ZNF835: variants seen among roughly 807,000 people sequenced by gnomAD.
The protein encoded by ZNF835 is zinc finger protein 835.
For synonymous variants in ZNF835, 323 were observed against 324.7 expected (o/e 0.99, Z 0.06); for missense variants, 783 against 758.4 (o/e 1.03, Z -0.38).
At chr19:56,667,459 T>C (rs1018827872) in intron 1 of ZNF835, among the ~76,000 whole-genome samples, 1 of 152,200 alleles carries the variant, frequency 6.6e-6, no homozygotes, top group African/African-American at 2.4e-5. Flanking sequence ...AGGCTCTGCC[T>C]GGTTTTCTCT....
chr19:56,666,133 G>T (rs1600631950), intron 1 of ZNF835, among the ~76,000 whole-genome samples: 2 of 148,948 alleles, frequency 1.3e-5, no homozygotes, highest in South Asian at 2.1e-4. Context: ...TTTTTTTTTT[G>T]ACATGGAGTC....
rs947468409 is a variant in ZNF835, at chr19:56,662,730, G to A, written c.*855C>T. On this transcript the variant is annotated 3_prime_UTR_variant, in exon 2 of 2. Coordinates refer to ENST00000537055, the MANE Select transcript of ZNF835 (RefSeq NM_001005850.3). ...GGGCTTACTCAATAAAATCAACAAT[G>A]AAAAGGCCAGCTGGCCAGGCACCGT... 40 of 152,164 alleles carry A rather than the reference G, an allele frequency of 2.6e-4. No homozygotes were observed. Among genetic ancestry groups the A allele is most frequent in the African/African-American group, 9.2e-4 (38 of 41,446 alleles). The allele number at this position is 152,164 out of a possible 1,614,324, so 9.4% of individuals were successfully genotyped here.
At chr19:56,671,277 T>G (rs975424655) in intron 1 of ZNF835, among the ~76,000 whole-genome samples, 4 of 149,968 alleles carry the variant, frequency 2.7e-5, no homozygotes, top group Admixed American at 6.6e-5. Flanking sequence ...TCACAGCCAG[T>G]CACACACCTG....
intron 1 of ZNF835, among the ~76,000 whole-genome samples, chr19:56,670,567 T>G (rs950288434): frequency 6.6e-6 from 1 of 152,094 alleles, no homozygotes; most frequent in Non-Finnish European, 1.5e-5. Flanking sequence ...GCTCCCTGTG[T>G]GAAGAGGTGC....
intron 1 of ZNF835, 117 bp from the exon 2 acceptor site, chr19:56,665,362 A>G (rs892339692): frequency 5.2e-6 from 5 of 963,598 alleles, no homozygotes; most frequent in African/African-American, 3.2e-5. Flanking sequence ...CTCTGTGCCA[A>G]TGACATTTTG....
chr19:56,666,117 G>GTTGT (rs201835000), intron 1 of ZNF835, among the ~76,000 whole-genome samples: 19 of 150,270 alleles, frequency 1.3e-4, no homozygotes, highest in African/African-American at 4.8e-4. Context: ...CAATGGGACT[G>GTTGT]TTTTATTTTT....
At chr19:56,666,122 A>T (rs56077676) in intron 1 of ZNF835, among the ~76,000 whole-genome samples, 8,125 of 149,654 alleles carry the variant, frequency 0.054, 685 homozygotes, top group African/African-American at 0.19. Context: ...GGACTGTTTT[A>T]TTTTTTTTTT....
rs1032798737 is a variant in ZNF835 at position 56,671,742 on chromosome 19, G to A, written c.-214C>T. 1 of 152,308 alleles carries A rather than the reference G, an allele frequency of 6.6e-6. No homozygotes were observed. Among genetic ancestry groups the A allele is most frequent in the Non-Finnish European group, 1.5e-5 (1 of 68,090 alleles). The allele number at this position is 152,308 out of a possible 1,614,324, so 9.4% of individuals were successfully genotyped here. A position where few individuals can be genotyped will look rare whatever the true frequency, so the allele number is the denominator to read the frequency against. On this transcript the variant is annotated 5_prime_UTR_variant, in exon 1 of 2. Coordinates refer to ENST00000537055, the MANE Select transcript of ZNF835 (RefSeq NM_001005850.3). ...AGGTCAAGACTTCTGCTGCTGCGGA[G>A]GAGCCCGCGCACCAGGCCGGGGTGG...
intron 1 of ZNF835, among the ~76,000 whole-genome samples, 166 bp downstream of exon 1, chr19:56,671,410 G>A (rs2045291896): frequency 6.6e-6 from 1 of 151,824 alleles, no homozygotes; most frequent in Non-Finnish European, 1.5e-5. Context: ...TGCTGGTACC[G>A]TCGAGTGACC....
chr19:56,663,809 G>C lies in ZNF835; in HGVS notation c.1390C>G (p.His464Asp). The change falls in exon 2 of 2, where the codon CAC becomes GAC. Residue 464 changes from histidine to aspartate, a missense_variant. Coordinates refer to ENST00000537055, the MANE Select transcript of ZNF835 (RefSeq NM_001005850.3). ...AFSNRSYLIQ[H>D]HIVHTGEKPY... Reference sequence around the variant, plus strand: ...TTCTCCCCGGTGTGCACGATGTGGTGCTGGATCAGGTAGGAGCGGTTGCTG... The same window carrying C: ...TTCTCCCCGGTGTGCACGATGTGGTCCTGGATCAGGTAGGAGCGGTTGCTG... 2 of 1,614,116 alleles carry C rather than the reference G, an allele frequency of 1.2e-6. No homozygotes were observed. Among genetic ancestry groups the C allele is most frequent in the Non-Finnish European group, 1.7e-6 (2 of 1,180,024 alleles).
rs145968820 is a variant in ZNF835 at position 56,667,341 on chromosome 19, G to A, written c.-47-2096C>T. 4.5e-3 allele frequency among the ~76,000 whole-genome samples: 693 copies of A among 152,318 alleles called. 4 individuals are homozygous for A. Among genetic ancestry groups the A allele is most frequent in the East Asian group, 0.031 (159 of 5,176 alleles). ...TGGTGCTGAGAGAGGGAAGGAGGCA[G>A]CTGCCTGTGGATCCACTGTGCTGGG... On this transcript the variant is annotated intron_variant, in intron 1 of 1. Transcript: ENST00000537055.
chr19:56,665,838 G>C (rs2045240467), intron 1 of ZNF835, among the ~76,000 whole-genome samples: 1 of 152,024 alleles, frequency 6.6e-6, no homozygotes, highest in South Asian at 2.1e-4. Context: ...ACTGCCAGGT[G>C]TCCCCTCCCC....
In ZNF835 at chr19:56,665,058, A is replaced by T. The variant is rs2045233668; in HGVS notation, c.141T>A (p.Ala47=). 1 of 1,613,996 alleles carries T rather than the reference A, an allele frequency of 6.2e-7. No homozygotes were observed. The highest frequency in any genetic ancestry group is 8.5e-7 in the Non-Finnish European group (1 of 1,179,884). Residue 47 remains alanine, a synonymous_variant, in exon 2 of 2, where the codon GCT becomes GCA. Coordinates refer to ENST00000537055, the MANE Select transcript of ZNF835 (RefSeq NM_001005850.3). ...CATCGCGTTCCTGCATGCTGTCCCC[A>T]GCAGGGTCTCCCTTGCAGGCCACGG... is the stretch of plus-strand genomic sequence containing the variant. ...PEAVACKGDP[A]GDSMQERDEF...
In ZNF835 at chr19:56,663,301, A is replaced by G; in HGVS notation, c.*284T>C. The G allele has an allele frequency of 2.1e-6, 1 of 476,640 alleles. No homozygotes were observed. Among genetic ancestry groups the G allele is most frequent in the Non-Finnish European group, 3.8e-6 (1 of 265,072 alleles). The allele number at this position is 476,640 out of a possible 1,614,324, so 29.5% of individuals were successfully genotyped here. ...TCCACTGCACTCTAGCCTGGGTGAC[A>G]GAGAGAGACACTGTCTCAAAGAAAA... On this transcript the variant is annotated 3_prime_UTR_variant, in exon 2 of 2. Coordinates refer to ENST00000537055, the MANE Select transcript of ZNF835 (RefSeq NM_001005850.3).
At chr19:56,666,963 T>C (rs962126000) in intron 1 of ZNF835, among the ~76,000 whole-genome samples, 7 of 152,190 alleles carry the variant, frequency 4.6e-5, no homozygotes, top group Non-Finnish European at 8.8e-5. Context: ...TCTACAGGGC[T>C]CCATCAGTGA....
Position 56,664,159 on chromosome 19 carries a change from G to A in ZNF835, c.1040C>T (p.Ser347Leu). Residue 347 changes from serine (S) to leucine (L), a missense_variant, in exon 2 of 2, where the codon TCG becomes TTG. Ser to Leu is a moderately radical substitution (Grantham distance 145). Transcript: ENST00000537055. ...GQCAKAFTQV[S>L]HLTQHQRTHT... ...CGTGCGCTGGTGCTGCGTCAGGTGC[G>A]ACACCTGGGTGAAGGCCTTGGCGCA... 1 of 1,611,368 alleles carries A rather than the reference G, an allele frequency of 6.2e-7. No homozygotes were observed. Among genetic ancestry groups the A allele is most frequent in the Non-Finnish European group, 8.5e-7 (1 of 1,179,366 alleles).
intron 1 of ZNF835, among the ~76,000 whole-genome samples, chr19:56,668,028 G>A (rs1054990857): frequency 1.1e-4 from 17 of 151,748 alleles, no homozygotes; most frequent in Non-Finnish European, 2.4e-4. Context: ...TAAGAGTTTC[G>A]CTCTTGGTGC....
In ZNF835 at chr19:56,664,957, C is replaced by G; in HGVS notation, c.242G>C (p.Arg81Pro). 1 of 1,614,034 alleles carries G rather than the reference C, an allele frequency of 6.2e-7. No homozygotes were observed. The highest frequency in any genetic ancestry group is 2.2e-5 in the East Asian group (1 of 44,878). ...QASVPDDSSS[R>P]RCSAPGESPK... Reference sequence around the variant, plus strand: ...GCTCTCCCCAGGCGCGCTGCACCTCCGGGAACTGCTGTCGTCGGGGACACT... The same window carrying G: ...GCTCTCCCCAGGCGCGCTGCACCTCGGGGAACTGCTGTCGTCGGGGACACT... The change falls in exon 2 of 2, where the codon CGG (arginine) becomes CCG (proline). Residue 81 changes from arginine (R) to proline (P), a missense_variant. Transcript: ENST00000537055.
intron 1 of ZNF835, among the ~76,000 whole-genome samples, chr19:56,665,851 G>A (rs2148055653): frequency 6.6e-6 from 1 of 151,972 alleles, no homozygotes; most frequent in South Asian, 2.1e-4. Flanking sequence ...CCCTCCCCTG[G>A]GGACAAAATT....
Sources: allele counts gnomAD v4.1 joint callset (sites outside exome capture counted in the v4.1 genomes callset), GRCh38; gene constraint gnomAD v4.1.1; transcripts MANE v1.5; gene names NCBI Gene and HGNC (gene_info 2026-07-23, HGNC 2026-07-21).